The following SLC19A3 variants were observed in gnomAD, a reference collection of about 807,000 sequenced individuals.
The protein encoded by SLC19A3 is solute carrier family 19 member 3.
A neutral mutation model predicts 40.2 loss-of-function variants in SLC19A3; 31 were observed. That is an observed-to-expected ratio of 0.77 (90% CI 0.58 to 1.04). The LOEUF (loss-of-function observed/expected upper bound fraction) is 1.04, where lower values mean the gene tolerates loss of function less well. Ranked by LOEUF, SLC19A3 falls within the 50% of genes least tolerant of loss-of-function variation. The pLI is 0.00. For missense variants in SLC19A3, 592 were observed against 596.7 expected, an observed-to-expected ratio of 0.99 and a Z score of 0.08; for synonymous variants, 212 against 227.5, an observed-to-expected ratio of 0.93 and a Z score of 0.61.
In SLC19A3 at chr2:227,703,631, C is replaced by T. The variant is rs1695800275; in HGVS notation, c.-2-1311G>A. ...CCCTTAGTCCAGAAAACAGGGCTTT[C>T]TCTTCTTCCTGGAATGCTGCTGGGT... On this transcript the variant is annotated intron_variant, in intron 1 of 5. Transcript: ENST00000644224. The surrounding 1 kb of genome is among the most constrained non-coding windows in gnomAD (Gnocchi z 4.7). Among the ~76,000 whole-genome samples, 1 of 152,190 alleles carries T rather than the reference C, an allele frequency of 6.6e-6. No individual in the cohort carries two copies. The highest frequency in any genetic ancestry group is 1.5e-5 in the Non-Finnish European group (1 of 68,034).
In SLC19A3 at chr2:227,705,436, T is replaced by TAA. The variant is rs34060996; in HGVS notation, c.-2-3118_-2-3117dup. On this transcript the variant is annotated intron_variant, in intron 1 of 5. Coordinates refer to ENST00000644224, the MANE Select transcript of SLC19A3 (RefSeq NM_025243.4). ...GACAACATAGCGAGGCCCTATCTCT[T>TAA]AAAAAAAAAAAAAAGGTATACATGT... Among the ~76,000 whole-genome samples, 274 of 140,914 alleles carry TAA rather than the reference T, an allele frequency of 1.9e-3. 1 individual carries two copies. The highest frequency in any genetic ancestry group is 7.5e-3 in the East Asian group (35 of 4,674). 92.4% of individuals were successfully genotyped at this position (140,914 alleles called of 152,430 possible).
intron 3 of SLC19A3, among the ~76,000 whole-genome samples, chr2:227,696,481 C>T (rs78397152): frequency 0.042 from 6,386 of 152,214 alleles, 452 homozygotes; most frequent in African/African-American, 0.15. Flanking sequence ...CTCTATTTGC[C>T]TTTCTTTTCT....
At chr2:227,716,617 C>A (rs1696343979) in intron 1 of SLC19A3, among the ~76,000 whole-genome samples, 1 of 152,190 alleles carries the variant, frequency 6.6e-6, no homozygotes, top group South Asian at 2.1e-4. Flanking sequence ...TGCTCCCTAG[C>A]AGAAGCCCAT....
intron 1 of SLC19A3, among the ~76,000 whole-genome samples, chr2:227,716,660 C>T (rs897160829): frequency 1.3e-5 from 2 of 152,276 alleles, no homozygotes; most frequent in East Asian, 1.9e-4. Context: ...GGCTCCCTCC[C>T]GTAACCTCAT....
rs756676536 is a variant in SLC19A3, at chr2:227,687,506, G to GTAA, written c.1379_1381dup (p.Ile460dup). Reference sequence around the variant, plus strand: ...ATCCTTCTGGGATTTGGTTGAGTAGGTAATATACATGCTTCTCATTAGGAA... The same window carrying GTAA: ...ATCCTTCTGGGATTTGGTTGAGTAGGTAATAATATACATGCTTCTCATTAGGAA... On this transcript the variant is annotated inframe_insertion, in exon 6 of 6. Coordinates refer to ENST00000644224, the MANE Select transcript of SLC19A3 (RefSeq NM_025243.4). The GTAA allele has an allele frequency of 8.0e-5, 129 of 1,614,050 alleles. No homozygotes were observed. The African/African-American group carries it at 1.6e-3, about 21-fold the overall frequency.
rs779771123 is a variant in SLC19A3 at position 227,687,355 on chromosome 2, T to C, written c.*42A>G. Reference sequence around the variant, plus strand: ...CCATCTCAAAATCTTTCCTTATTATTGCATAACTTTGAAAGCCACTGTTGC... The same window carrying C: ...CCATCTCAAAATCTTTCCTTATTATCGCATAACTTTGAAAGCCACTGTTGC... On this transcript the variant is annotated 3_prime_UTR_variant, in exon 6 of 6. Transcript: ENST00000644224. The C allele has an allele frequency of 1.9e-6, 3 of 1,563,038 alleles. No homozygotes were observed. The East Asian group carries it at 6.8e-5, about 35-fold the overall frequency.
At chr2:227,710,363 A>G (rs912799537) in intron 1 of SLC19A3, among the ~76,000 whole-genome samples, 2 of 152,146 alleles carry the variant, frequency 1.3e-5, no homozygotes, top group Non-Finnish European at 2.9e-5. Flanking sequence ...AGAGCAATAA[A>G]TTGGTAATTA....
chr2:227,709,258 G>A (rs1309388426), intron 1 of SLC19A3, among the ~76,000 whole-genome samples: 1 of 152,182 alleles, frequency 6.6e-6, no homozygotes, highest in Non-Finnish European at 1.5e-5. Flanking sequence ...GAGGCGGGTG[G>A]ATGACTTGAG....
At chr2:227,702,548 C>G (rs1377382303) in intron 1 of SLC19A3, 1 of 503,794 alleles carries the variant, frequency 2.0e-6, no homozygotes, top group African/African-American at 1.9e-5. Context: ...TGCCTGCCAC[C>G]ATGACTGGAT....
intron 4 of SLC19A3, among the ~76,000 whole-genome samples, chr2:227,689,007 T>C (rs549976606): frequency 2.6e-5 from 4 of 152,178 alleles, no homozygotes; most frequent in Non-Finnish European, 5.9e-5. Flanking sequence ...CAGAATCTCA[T>C]ACCAGCAGAA....
At position 227,703,609 on chromosome 2, in the gene SLC19A3, T is replaced by C. The variant is rs1695799765; in HGVS notation, c.-2-1289A>G. Among the ~76,000 whole-genome samples, 1 of 152,186 alleles carries C rather than the reference T, an allele frequency of 6.6e-6. No individual in the cohort carries two copies. Among genetic ancestry groups the C allele is most frequent in the South Asian group, 2.1e-4 (1 of 4,832 alleles). On this transcript the variant is annotated intron_variant, in intron 1 of 5. Coordinates refer to ENST00000644224, the MANE Select transcript of SLC19A3 (RefSeq NM_025243.4). This position sits in a 1 kb window ranked among gnomAD's most constrained non-coding sequence, Gnocchi z 4.7. ...TTACAGTGACTGTTAACCTACTCCC[T>C]TAGTCCAGAAAACAGGGCTTTCTCT...
Position 227,687,172 on chromosome 2 carries a change from T to A in SLC19A3, c.*225A>T. On this transcript the variant is annotated 3_prime_UTR_variant, in exon 6 of 6. Transcript: ENST00000644224. ...TACTAGTCACAGGGGGTCCCCAATATGGGTTGTTTAATTATGATGACGGGT... is the reference window on the plus strand; with the variant it reads ...TACTAGTCACAGGGGGTCCCCAATAAGGGTTGTTTAATTATGATGACGGGT... The A allele has an allele frequency of 6.6e-6, 3 of 454,518 alleles. No individual in the cohort carries two copies. Among genetic ancestry groups the A allele is most frequent in the Non-Finnish European group, 1.2e-5 (3 of 258,152 alleles). The allele number at this position is 454,518 out of a possible 1,614,324, so 28.2% of individuals were successfully genotyped here. A position where few individuals can be genotyped will look rare whatever the true frequency, so the allele number is the denominator to read the frequency against.
At chr2:227,694,660 C>T (rs911870828) in intron 4 of SLC19A3, among the ~76,000 whole-genome samples, 2 of 152,074 alleles carry the variant, frequency 1.3e-5, no homozygotes, top group Admixed American at 1.3e-4. Flanking sequence ...TTATATGAAA[C>T]CGAATGGTTT....
chr2:227,705,233 T>G (rs1261554672), intron 1 of SLC19A3, among the ~76,000 whole-genome samples: 1 of 152,046 alleles, frequency 6.6e-6, no homozygotes, highest in Non-Finnish European at 1.5e-5. Flanking sequence ...TCTGTTTGGG[T>G]CAGCAATATA....
intron 3 of SLC19A3, among the ~76,000 whole-genome samples, chr2:227,696,929 G>T (rs1695461517): frequency 6.6e-6 from 1 of 152,116 alleles, no homozygotes; most frequent in South Asian, 2.1e-4. Context: ...AGCCAGCATG[G>T]TGGCGGGCAC....
Position 227,686,837 on chromosome 2 carries a change from T to TTA in SLC19A3, c.*559_*560insTA, listed in dbSNP as rs1196806590. 7 of 152,298 alleles carry TTA rather than the reference T, an allele frequency of 4.6e-5. No individual in the cohort carries two copies. The highest frequency in any genetic ancestry group is 1.7e-4 in the African/African-American group (7 of 41,444). 9.4% of individuals were successfully genotyped at this position (152,298 alleles called of 1,614,324 possible). A position where few individuals can be genotyped will look rare whatever the true frequency, so the allele number is the denominator to read the frequency against. ...CAAATCATAACGTGAATAATGCTGT[T>TTA]ATTAGAGTTGAAGAGAAGCCCTTAG... On this transcript the variant is annotated 3_prime_UTR_variant, in exon 6 of 6. Coordinates refer to ENST00000644224, the MANE Select transcript of SLC19A3 (RefSeq NM_025243.4).
rs957566199 is a variant in SLC19A3, at chr2:227,685,899, A to G, written c.*1498T>C. 1 of 168,206 alleles carries G rather than the reference A, an allele frequency of 5.9e-6. No homozygotes were observed. The highest frequency in any genetic ancestry group is 1.3e-4 in the South Asian group (1 of 7,926). The allele number at this position is 168,206 out of a possible 1,614,324, so 10.4% of individuals were successfully genotyped here. ...TTATTTAGCACAATTGCTACCATTT[A>G]AAAATCAGGTGTTTTGGCCAGGCAT... On this transcript the variant is annotated 3_prime_UTR_variant, in exon 6 of 6. Coordinates refer to ENST00000644224, the MANE Select transcript of SLC19A3 (RefSeq NM_025243.4).
intron 1 of SLC19A3, among the ~76,000 whole-genome samples, chr2:227,705,436 T>TAAAAAA (rs34060996): frequency 7.1e-6 from 1 of 140,848 alleles, no homozygotes; most frequent in African/African-American, 2.6e-5. Flanking sequence ...CCCTATCTCT[T>TAAAAAA]AAAAAAAAAA....
rs1311796221 is a variant in SLC19A3 at position 227,699,493 on chromosome 2, G to A, written c.222C>T (p.Thr74=). The change falls in exon 3 of 6, where the codon ACC becomes ACT. Residue 74 remains threonine, a synonymous_variant. Transcript: ENST00000644224. ...TGACTGGCTTGTAGCGGACATAATC[G>A]GTGAGGACAAACACAGGCAGCAGCA... ...LVLLLPVFVL[T]DYVRYKPVII... 2 of 1,614,092 alleles carry A rather than the reference G, an allele frequency of 1.2e-6. No homozygotes were observed. The highest frequency in any genetic ancestry group is 8.5e-7 in the Non-Finnish European group (1 of 1,180,022).
Sources: gnomAD v4.1 joint callset for allele counts (sites outside exome capture counted in the v4.1 genomes callset) on GRCh38, gnomAD v4.1.1 for gene constraint, Gnocchi (gnomAD v3.1) non-coding constraint, MANE v1.5 for transcripts, NCBI Gene and HGNC (gene_info 2026-07-23, HGNC 2026-07-21) for gene names.